Variants in CPEB3 observed in about 807,000 individuals in gnomAD.
CPEB3 encodes cytoplasmic polyadenylation element binding protein 3.
CPEB3 carries 20 observed loss-of-function variants against 67.2 expected under a neutral mutation model. The observed-to-expected ratio is 0.30, with a 90% CI of 0.21 to 0.43. The LOEUF (loss-of-function observed/expected upper bound fraction) is 0.43. Ranked by LOEUF, CPEB3 falls within the 20% of genes least tolerant of loss-of-function variation. The pLI is 1.00. For synonymous variants in CPEB3, 376 were observed against 393.1 expected (o/e 0.96, Z 0.51); for missense variants, 746 against 968.6 (o/e 0.77, Z 3.05).
intron 2 of CPEB3, among the ~76,000 whole-genome samples, chr10:92,210,053 T>C (rs1398524785): frequency 6.6e-6 from 1 of 152,012 alleles, no homozygotes; most frequent in African/African-American, 2.4e-5. Context: ...ACTCACTATT[T>C]ATATAATTAT....
At chr10:92,126,198 A>G (rs546672661) in intron 6 of CPEB3, among the ~76,000 whole-genome samples, 1 of 152,312 alleles carries the variant, frequency 6.6e-6, no homozygotes, top group African/African-American at 2.4e-5. Flanking sequence ...GGAGATTACA[A>G]TGGATAATTA....
intron 2 of CPEB3, among the ~76,000 whole-genome samples, chr10:92,208,809 G>C (rs1334169290): frequency 6.6e-6 from 1 of 152,020 alleles, no homozygotes; most frequent in South Asian, 2.1e-4. Flanking sequence ...TGGCCAGGCT[G>C]GTCTCGAACT....
At chr10:92,059,044 G>A (rs1397481546) in intron 9 of CPEB3, among the ~76,000 whole-genome samples, 4 of 152,146 alleles carry the variant, frequency 2.6e-5, no homozygotes, top group Admixed American at 2.6e-4. Flanking sequence ...ACAAATACAT[G>A]AGTGGGGCAC....
intron 9 of CPEB3, among the ~76,000 whole-genome samples, chr10:92,077,723 A>T (rs1361177811): frequency 6.6e-6 from 1 of 151,240 alleles, no homozygotes; most frequent in Non-Finnish European, 1.5e-5. Context: ...TGACAGGGTG[A>T]GACCCTGTCA....
intron 2 of CPEB3, among the ~76,000 whole-genome samples, chr10:92,193,059 A>G (rs1425030248): frequency 1.3e-5 from 2 of 152,172 alleles, no homozygotes; most frequent in Non-Finnish European, 2.9e-5. Context: ...TAAAAATACA[A>G]AAATTAGCCA....
At chr10:92,109,916 T>A (rs1844651811) in intron 7 of CPEB3, among the ~76,000 whole-genome samples, 2 of 152,194 alleles carry the variant, frequency 1.3e-5, no homozygotes, top group South Asian at 4.1e-4. Flanking sequence ...CTCTATTGAA[T>A]CCTATGTAGG....
intron 2 of CPEB3, among the ~76,000 whole-genome samples, chr10:92,224,629 G>C (rs866154876): frequency 6.6e-6 from 1 of 151,788 alleles, no homozygotes; most frequent in Non-Finnish European, 1.5e-5. Context: ...AGCACTTTGC[G>C]AGGCTGAGGT....
chr10:92,250,113 A>G (rs957011977), intron 1 of CPEB3, among the ~76,000 whole-genome samples: 1 of 151,732 alleles, frequency 6.6e-6, no homozygotes, highest in African/African-American at 2.4e-5. Flanking sequence ...TTTGAGACAG[A>G]GTCTTGCTCT....
At chr10:92,247,316 C>T (rs1216821332) in intron 1 of CPEB3, among the ~76,000 whole-genome samples, 1 of 152,184 alleles carries the variant, frequency 6.6e-6, no homozygotes, top group Admixed American at 6.5e-5. Flanking sequence ...CTCCCAGGTT[C>T]AAGCAATTCT....
chr10:92,107,485 C>T (rs1423031012), intron 7 of CPEB3, among the ~76,000 whole-genome samples: 2 of 152,198 alleles, frequency 1.3e-5, no homozygotes, highest in Non-Finnish European at 2.9e-5. Context: ...CAAGATTACT[C>T]TTTTTCAGCC....
intron 9 of CPEB3, among the ~76,000 whole-genome samples, chr10:92,058,177 G>A (rs150338949): frequency 1.3e-5 from 2 of 152,266 alleles, no homozygotes; most frequent in East Asian, 3.9e-4. Flanking sequence ...TTGTGCTGAG[G>A]AAACTCAAAG....
chr10:92,190,700 A>AG (rs1848934803), intron 3 of CPEB3, among the ~76,000 whole-genome samples: 1 of 148,554 alleles, frequency 6.7e-6, no homozygotes, highest in Non-Finnish European at 1.5e-5. Flanking sequence ...AAAAAAAAAA[A>AG]AAGGAGGAGG....
At chr10:92,178,611 T>C (rs1289337281) in intron 4 of CPEB3, among the ~76,000 whole-genome samples, 4 of 151,614 alleles carry the variant, frequency 2.6e-5, no homozygotes, top group African/African-American at 9.7e-5. Context: ...GAAGTCGAGG[T>C]GGGAGGATTG....
chr10:92,069,046 T>C (rs1218613839), intron 9 of CPEB3, among the ~76,000 whole-genome samples: 1 of 152,140 alleles, frequency 6.6e-6, no homozygotes, highest in Non-Finnish European at 1.5e-5. Context: ...CAACTAAGGA[T>C]AGGAGTAGAA....
In CPEB3 at chr10:92,241,300, G is replaced by A. The variant is rs1450515500; in HGVS notation, c.-11-939C>T. Among the ~76,000 whole-genome samples, 3 of 148,766 alleles carry A rather than the reference G, an allele frequency of 2.0e-5. No individual in the cohort carries two copies. The East Asian group carries it at 5.9e-4, about 29-fold the overall frequency. On this transcript the variant is annotated intron_variant, in intron 1 of 9. Transcript: ENST00000265997. ...GGTCAGAGAGTGCGCGCGAGCGAGC[G>A]AGCGCCTGTGAGATAGGGTGGGGGT...
At chr10:92,213,763 C>T (rs1170098499) in intron 2 of CPEB3, among the ~76,000 whole-genome samples, 1 of 152,106 alleles carries the variant, frequency 6.6e-6, no homozygotes, top group East Asian at 1.9e-4. Context: ...CAGTAGAACA[C>T]TATGTTAAAG....
chr10:92,090,279 G>A (rs767696053), intron 8 of CPEB3, among the ~76,000 whole-genome samples: 6 of 152,170 alleles, frequency 3.9e-5, no homozygotes, highest in African/African-American at 2.4e-5. Flanking sequence ...GGTGGCTCAC[G>A]CCTGTAATCC....
At chr10:92,089,435 C>A (rs1843519360) in intron 8 of CPEB3, among the ~76,000 whole-genome samples, 1 of 151,906 alleles carries the variant, frequency 6.6e-6, no homozygotes, top group Non-Finnish European at 1.5e-5. Flanking sequence ...AGATTACTAT[C>A]CACATAACTA....
intron 6 of CPEB3, among the ~76,000 whole-genome samples, chr10:92,129,468 G>A (rs941095241): frequency 6.6e-6 from 1 of 152,116 alleles, no homozygotes; most frequent in Non-Finnish European, 1.5e-5. Context: ...AAAAAGACTG[G>A]AAGGAGATAG....
Sources: allele counts gnomAD v4.1 joint callset (sites outside exome capture counted in the v4.1 genomes callset), GRCh38; gene constraint gnomAD v4.1.1; transcripts MANE v1.5; gene names NCBI Gene and HGNC (gene_info 2026-07-23, HGNC 2026-07-21).